The following NLRP4 variants were observed in gnomAD, a reference collection of about 807,000 sequenced individuals.
NLRP4 encodes NACHT, LRR and PYD domains-containing protein 4.
In NLRP4, 44 loss-of-function variants were observed where a neutral mutation model predicts 84.7. That is an observed-to-expected ratio of 0.52 (90% confidence interval 0.41 to 0.67). NLRP4 has a LOEUF of 0.67. Ranked by LOEUF, NLRP4 falls within the 30% of genes least tolerant of loss-of-function variation. The pLI, the probability that NLRP4 is intolerant of heterozygous loss-of-function variation, is 0.00. For synonymous variants in NLRP4, 544 were observed against 476.4 expected (o/e 1.14, Z -1.85); for missense variants, 1,260 against 1,219.4 (o/e 1.03, Z -0.50).
intron 7 of NLRP4, among the ~76,000 whole-genome samples, chr19:55,875,064 C>A (rs1050382406): frequency 1.3e-5 from 2 of 152,082 alleles, no homozygotes; most frequent in Non-Finnish European, 2.9e-5. Flanking sequence ...ACATACAATT[C>A]TTGAAAAACT....
chr19:55,862,780 GTATT>G (rs1179084997), intron 5 of NLRP4, among the ~76,000 whole-genome samples: 1 of 151,888 alleles, frequency 6.6e-6, no homozygotes, highest in African/African-American at 2.4e-5. Flanking sequence ...AGAAGACTAT[GTATT>G]TCTTTTTGTG....
chr19:55,862,144 A>G lies in NLRP4; in HGVS notation c.2171A>G (p.Asn724Ser), dbSNP rs1984784977. 1 of 1,613,526 alleles carries G rather than the reference A, an allele frequency of 6.2e-7. No homozygotes were observed. Among genetic ancestry groups the G allele is most frequent in the Non-Finnish European group, 8.5e-7 (1 of 1,179,528 alleles). Residue 724 changes from asparagine (N) to serine (S), a missense_variant, in exon 5 of 10, where the codon AAC becomes AGC. Asn to Ser is a conservative substitution (Grantham distance 46, BLOSUM62 1). This residue lies in a region of NLRP4 where 544 missense variants were observed against 531.7 expected (regional missense o/e 1.02). Coordinates refer to ENST00000301295, the MANE Select transcript of NLRP4 (RefSeq NM_134444.5). ...GATGCCTTGAACTACCCAGCAGGCA[A>G]CGTCAAAGAGCTAGCGTAAGTCTCC... ...LCDALNYPAG[N>S]VKELALVNCH...
At chr19:55,841,733 C>A (rs1314181216) in intron 1 of NLRP4, among the ~76,000 whole-genome samples, 1 of 152,004 alleles carries the variant, frequency 6.6e-6, no homozygotes, top group Admixed American at 6.6e-5. Flanking sequence ...GGCATGGTGG[C>A]AGGCACCTGT....
At chr19:55,842,916 C>T (rs946421504) in intron 1 of NLRP4, among the ~76,000 whole-genome samples, 8 of 151,944 alleles carry the variant, frequency 5.3e-5, no homozygotes, top group Admixed American at 6.6e-5. Context: ...CCCGCCACCA[C>T]GCCCGGCTAA....
chr19:55,848,612 C>T (rs967944614), intron 1 of NLRP4, among the ~76,000 whole-genome samples: 3 of 152,122 alleles, frequency 2.0e-5, no homozygotes, highest in Non-Finnish European at 2.9e-5. Flanking sequence ...CCATGTTGGC[C>T]AAGATGGTCT....
chr19:55,853,763 C>CTCTCTCTCTCTCTCTTTCTGTCTCTCTT (rs1568661504), intron 2 of NLRP4, among the ~76,000 whole-genome samples: 10 of 136,826 alleles, frequency 7.3e-5, no homozygotes, highest in Admixed American at 1.4e-4. Context: ...CTTTCTCTTT[C>CTCTCTCTCTCTCTCTTTCTGTCTCTCTT]TCTCTCTCTC....
At chr19:55,878,620 T>C (rs11883087) in intron 8 of NLRP4, among the ~76,000 whole-genome samples, 174 bp from the exon 9 acceptor site, 8,963 of 152,228 alleles carry the variant, frequency 0.059, 847 homozygotes, top group African/African-American at 0.2. Context: ...TGGACACTTA[T>C]GGCTACTTTT....
chr19:55,873,747 G>A (rs557359551), intron 7 of NLRP4, among the ~76,000 whole-genome samples: 4 of 152,042 alleles, frequency 2.6e-5, no homozygotes, highest in Non-Finnish European at 4.4e-5. Flanking sequence ...AGTATTATTC[G>A]GTTCATGCTA....
intron 2 of NLRP4, among the ~76,000 whole-genome samples, chr19:55,852,875 C>T (rs1246813457): frequency 1.3e-5 from 2 of 152,144 alleles, no homozygotes; most frequent in Non-Finnish European, 2.9e-5. Context: ...CTGTATTGTA[C>T]CTTTATCTGG....
At chr19:55,850,705 C>CCGTGGCTGCGGTGTAA (rs1984068809) in intron 1 of NLRP4, among the ~76,000 whole-genome samples, 1 of 92,406 alleles carries the variant, frequency 1.1e-5, no homozygotes, top group African/African-American at 4.8e-5. Flanking sequence ...CTGCGGTGTA[C>CCGTGGCTGCGGTGTAA]TTCCCGAGGC....
At chr19:55,878,293 G>T (rs1223611107) in intron 8 of NLRP4, among the ~76,000 whole-genome samples, 1 of 152,032 alleles carries the variant, frequency 6.6e-6, no homozygotes, top group Non-Finnish European at 1.5e-5. Context: ...CGTGGTGCAT[G>T]CCTGTAGTCC....
At chr19:55,849,855 T>TGCGGTGTAATTTCCGTGGCC (rs1568657919) in intron 1 of NLRP4, among the ~76,000 whole-genome samples, 2 of 134,398 alleles carry the variant, frequency 1.5e-5, no homozygotes, top group African/African-American at 6.4e-5. Context: ...TTTCCGAGAC[T>TGCGGTGTAATTTCCGTGGCC]GCGGTGTAAT....
At chr19:55,854,967 G>T (rs751590003) in intron 2 of NLRP4, among the ~76,000 whole-genome samples, 1 of 152,136 alleles carries the variant, frequency 6.6e-6, no homozygotes, top group African/African-American at 2.4e-5. Flanking sequence ...CCGGTGATCC[G>T]CCCGCCTTGG....
Position 55,878,899 on chromosome 19 carries a change from C to A in NLRP4, c.2802C>A (p.Asp934Glu), listed in dbSNP as rs1302281798. Reference sequence around the variant, plus strand: ...TCAACCTGACCTTGAACACCTTGGACCACACAGGGGTGGTTGTACTCTGTG... The same window carrying A: ...TCAACCTGACCTTGAACACCTTGGAACACACAGGGGTGGTTGTACTCTGTG... ...QQLNLTLNTL[D>E]HTGVVVLCEA... Residue 934 changes from aspartate to glutamate, a missense_variant, in exon 9 of 10, where the codon GAC (aspartate) becomes GAA (glutamate). Asp to Glu is a conservative substitution (Grantham distance 45). Coordinates refer to ENST00000301295, the MANE Select transcript of NLRP4 (RefSeq NM_134444.5). 1.9e-6 allele frequency: 3 copies of A among 1,613,862 alleles called. No individual in the cohort carries two copies. The highest frequency in any genetic ancestry group is 2.5e-6 in the Non-Finnish European group (3 of 1,179,886).
Position 55,878,777 on chromosome 19 carries a change from G to A in NLRP4, c.2697-17G>A. 1.2e-6 allele frequency: 2 copies of A among 1,604,730 alleles called. No individual in the cohort carries two copies. The highest frequency in any genetic ancestry group is 1.7e-6 in the Non-Finnish European group (2 of 1,173,922). Reference sequence around the variant, plus strand: ...TGAGGCTGGGGCCGCATCTTACCATGTGTCTTTTTATTGCAGGTTGGAAGA... The same window carrying A: ...TGAGGCTGGGGCCGCATCTTACCATATGTCTTTTTATTGCAGGTTGGAAGA... On this transcript the variant is annotated splice_polypyrimidine_tract_variant and intron_variant, in intron 8 of 9. Transcript: ENST00000301295.
intron 9 of NLRP4, among the ~76,000 whole-genome samples, chr19:55,880,351 C>G (rs1452707255): frequency 3.3e-5 from 5 of 152,194 alleles, no homozygotes; most frequent in Admixed American, 2.0e-4. Context: ...CTCAAATTGT[C>G]TGCATTCTGA....
intron 5 of NLRP4, among the ~76,000 whole-genome samples, chr19:55,865,315 A>G (rs1984914267): frequency 1.3e-5 from 2 of 152,248 alleles, no homozygotes. Flanking sequence ...AAAGGACATC[A>G]TCTTACTCTT....
chr19:55,861,424 CTG>C lies in NLRP4; in HGVS notation c.1898_1899del (p.Val633AlafsTer27). On this transcript the variant is annotated frameshift_variant, in exon 4 of 10. Transcript: ENST00000301295. LOFTEE classifies it high-confidence loss of function. ...CTCATCTGTTGGCATCACATCTGCT[CTG>C]TGCTCACCACCAGCGGGCACCTCAG... 1 of 1,614,192 alleles carries C rather than the reference CTG, an allele frequency of 6.2e-7. No homozygotes were observed. Among genetic ancestry groups the C allele is most frequent in the Non-Finnish European group, 8.5e-7 (1 of 1,180,000 alleles).
intron 9 of NLRP4, among the ~76,000 whole-genome samples, chr19:55,879,837 A>G (rs1985518539): frequency 6.6e-6 from 1 of 151,214 alleles, no homozygotes; most frequent in Non-Finnish European, 1.5e-5. Context: ...TATTATTATA[A>G]TACAAATTAT....
Sources: gnomAD v4.1 joint callset for allele counts (sites outside exome capture counted in the v4.1 genomes callset) on GRCh38, gnomAD v4.1.1 for gene constraint, gnomAD v4.1.1 regional missense constraint, MANE v1.5 for transcripts, NCBI Gene and HGNC (gene_info 2026-07-23, HGNC 2026-07-21) for gene names.